MGMT: variants seen among roughly 807,000 people sequenced by gnomAD.
MGMT encodes the protein methylated-DNA--protein-cysteine methyltransferase.
MGMT carries 14 observed loss-of-function variants against 15.9 expected under a neutral mutation model. The observed-to-expected ratio is 0.88, with a 90% CI of 0.58 to 1.37. MGMT has a LOEUF of 1.37. Among genes scored for constraint, MGMT ranks in the 40% most tolerant of loss-of-function variants. MGMT has a pLI of 0.00. For missense variants in MGMT, 282 were observed against 268.1 expected (o/e 1.05, Z -0.36); for synonymous variants, 130 against 118.2 (o/e 1.10, Z -0.65).
At chr10:129,662,138 A>C (rs1054787198) in intron 2 of MGMT, among the ~76,000 whole-genome samples, 1 of 152,190 alleles carries the variant, frequency 6.6e-6, no homozygotes, top group African/African-American at 2.4e-5. Flanking sequence ...CGGGAGGCAG[A>C]ATCATAAACA....
intron 1 of MGMT, among the ~76,000 whole-genome samples, chr10:129,535,804 A>C (rs760652058): frequency 6.6e-6 from 1 of 152,230 alleles, no homozygotes; most frequent in Non-Finnish European, 1.5e-5. Context: ...CATTGCATAC[A>C]TGCTTCATTC....
intron 2 of MGMT, among the ~76,000 whole-genome samples, chr10:129,604,665 G>T (rs533867610): frequency 3.3e-5 from 5 of 152,166 alleles, no homozygotes; most frequent in African/African-American, 1.2e-4. Context: ...CTTGGGAGTT[G>T]GGGGCTGCAG....
rs947314315 is a variant in MGMT at position 129,770,662 on chromosome 10, G to A, written c.*3665G>A. On this transcript the variant is annotated 3_prime_UTR_variant, in exon 5 of 5. Coordinates refer to ENST00000651593, the MANE Select transcript of MGMT (RefSeq NM_002412.5). ...CTTGGGCTTCTCACAGCACAGAGGA[G>A]GATTCTGAAGTGAGAGATAAATTGG... Among the ~76,000 whole-genome samples, 1 of 152,258 alleles carries A rather than the reference G, an allele frequency of 6.6e-6. No homozygotes were observed. Among genetic ancestry groups the A allele is most frequent in the African/African-American group, 2.4e-5 (1 of 41,466 alleles).
intron 4 of MGMT, among the ~76,000 whole-genome samples, chr10:129,764,343 C>T (rs1263906203): frequency 6.6e-6 from 1 of 152,208 alleles, no homozygotes. Context: ...GCTGGGGCTT[C>T]CCCCACCTCC....
chr10:129,701,233 C>T (rs544987601), intron 2 of MGMT: 8 of 152,292 alleles, frequency 5.3e-5, no homozygotes, highest in East Asian at 1.9e-4. Context: ...GTCTTTGGAA[C>T]GAACTCTTTC....
intron 2 of MGMT, among the ~76,000 whole-genome samples, chr10:129,539,550 A>G (rs1036293362): frequency 6.6e-6 from 1 of 151,988 alleles, no homozygotes; most frequent in Non-Finnish European, 1.5e-5. Context: ...TCTGTCGCCC[A>G]GGCTGGAGTG....
At chr10:129,721,593 G>A (rs551618719) in intron 3 of MGMT, among the ~76,000 whole-genome samples, 179 of 152,276 alleles carry the variant, frequency 1.2e-3, no homozygotes, top group Non-Finnish European at 2.1e-3. Context: ...TATAATACAC[G>A]TAGAAGGAAA....
intron 2 of MGMT, among the ~76,000 whole-genome samples, chr10:129,665,211 C>T (rs1847644909): frequency 7.7e-6 from 1 of 129,130 alleles, no homozygotes; most frequent in Non-Finnish European, 1.7e-5. Flanking sequence ...CACTCACCCA[C>T]CTACTCACTC....
At chr10:129,588,267 C>T (rs754575056) in intron 2 of MGMT, among the ~76,000 whole-genome samples, 19 of 152,278 alleles carry the variant, frequency 1.2e-4, no homozygotes, top group Non-Finnish European at 2.1e-4. Context: ...TGGTTTCACC[C>T]GGAGAAACCC....
At chr10:129,584,367 C>T (rs1459959542) in intron 2 of MGMT, among the ~76,000 whole-genome samples, 1 of 152,056 alleles carries the variant, frequency 6.6e-6, no homozygotes, top group East Asian at 1.9e-4. Context: ...TGCCAGCACA[C>T]ACGAATCAGG....
chr10:129,680,516 A>G (rs917428531), intron 2 of MGMT, among the ~76,000 whole-genome samples: 4 of 151,868 alleles, frequency 2.6e-5, no homozygotes, highest in South Asian at 2.1e-4. Flanking sequence ...ACTTTGGAGC[A>G]TGCTCTCCCC....
intron 3 of MGMT, among the ~76,000 whole-genome samples, chr10:129,737,228 T>G (rs1012950178): frequency 6.6e-6 from 1 of 152,248 alleles, no homozygotes; most frequent in African/African-American, 2.4e-5. Flanking sequence ...TTTCACATAG[T>G]CCCATATTTC....
intron 4 of MGMT, 123 bp from the exon 5 acceptor site, chr10:129,766,665 G>A: frequency 1.2e-6 from 1 of 846,392 alleles, no homozygotes; most frequent in Non-Finnish European, 1.8e-6. Context: ...CCAACAGCCT[G>A]CCCCTGGCAC....
intron 4 of MGMT, among the ~76,000 whole-genome samples, chr10:129,762,540 C>T (rs758924708): frequency 2.0e-5 from 3 of 152,110 alleles, no homozygotes; most frequent in East Asian, 1.9e-4. Flanking sequence ...CCCAACTCAG[C>T]GGGAGAGGAT....
At chr10:129,646,735 TATATATATATATA>T (rs1847394664) in intron 2 of MGMT, among the ~76,000 whole-genome samples, 1 of 103,674 alleles carries the variant, frequency 9.6e-6, no homozygotes, top group Non-Finnish European at 2.1e-5. Context: ...TATATATATA[TATATATATATATA>T]TATATATTTT....
chr10:129,595,379 G>C (rs905815904), intron 2 of MGMT, among the ~76,000 whole-genome samples: 1 of 152,146 alleles, frequency 6.6e-6, no homozygotes, highest in African/African-American at 2.4e-5. Context: ...TAGAGAAAAC[G>C]TCTTCTTTGT....
chr10:129,571,706 A>G (rs910051298), intron 2 of MGMT, among the ~76,000 whole-genome samples: 1 of 152,194 alleles, frequency 6.6e-6, no homozygotes, highest in African/African-American at 2.4e-5. Flanking sequence ...GAGGTCCAAA[A>G]TAGAAATGTT....
intron 2 of MGMT, among the ~76,000 whole-genome samples, chr10:129,644,790 T>C (rs1482670541): frequency 6.6e-6 from 1 of 152,226 alleles, no homozygotes; most frequent in Non-Finnish European, 1.5e-5. Context: ...ATGGAGCCTT[T>C]CCTCATCCTC....
chr10:129,628,966 A>G (rs1847180919), intron 2 of MGMT, among the ~76,000 whole-genome samples: 1 of 151,846 alleles, frequency 6.6e-6, no homozygotes, highest in Non-Finnish European at 1.5e-5. Flanking sequence ...CTTCCCGCCC[A>G]CTCCCAGCGC....
Sources: allele counts gnomAD v4.1 joint callset (sites outside exome capture counted in the v4.1 genomes callset), GRCh38; gene constraint gnomAD v4.1.1; transcripts MANE v1.5; gene names NCBI Gene and HGNC (gene_info 2026-07-23, HGNC 2026-07-21).